Variants in COLEC12 observed in about 807,000 individuals in gnomAD.
The protein encoded by COLEC12 is collectin-12.
COLEC12 carries 33 observed loss-of-function variants against 71.1 expected under a neutral mutation model. The observed-to-expected ratio is 0.46, with a 90% CI of 0.35 to 0.62. The LOEUF is 0.62. Ranked by LOEUF, COLEC12 falls within the 20% of genes least tolerant of loss-of-function variation. COLEC12 has a pLI of 0.00. For synonymous variants in COLEC12, 350 were observed against 353.0 expected (o/e 0.99, Z 0.10); for missense variants, 765 against 916.1 (o/e 0.84, Z 2.13).
chr18:369,401 T>TTTTTTATTTTTA (rs1314793209), intron 2 of COLEC12, among the ~76,000 whole-genome samples: 15 of 132,458 alleles, frequency 1.1e-4, no homozygotes, highest in Admixed American at 4.4e-4. Flanking sequence ...TTTTTTATTT[T>TTTTTTATTTTTA]TTTTTATTTT....
At chr18:415,330 T>C (rs1364001363) in intron 2 of COLEC12, among the ~76,000 whole-genome samples, 1 of 152,202 alleles carries the variant, frequency 6.6e-6, no homozygotes, top group Non-Finnish European at 1.5e-5. Context: ...TATCCTCAGT[T>C]ACTGCTGCCT....
At chr18:363,041 A>G (rs1914781004) in intron 2 of COLEC12, among the ~76,000 whole-genome samples, 1 of 151,342 alleles carries the variant, frequency 6.6e-6, no homozygotes, top group Non-Finnish European at 1.5e-5. Context: ...GCAGGGGGGG[A>G]ATGGGGGCTG....
intron 5 of COLEC12, 88 bp from the exon 6 acceptor site, chr18:335,318 TA>T: frequency 2.2e-6 from 3 of 1,376,320 alleles, no homozygotes; most frequent in South Asian, 2.8e-5. Flanking sequence ...ATCTCCAAAT[TA>T]AAAAAACCTA....
rs985162117 is a variant in COLEC12 at position 475,687 on chromosome 18, G to A, written c.58+5020C>T. On this transcript the variant is annotated intron_variant, in intron 2 of 9. Transcript: ENST00000400256. The stretch of plus-strand genomic sequence containing the variant: ...AAAGAACCTTCCTTTCTGGCTATAC[G>A]GTTAAGCATATCCGTGCTGTGATTT... Among the ~76,000 whole-genome samples, 32 of 152,200 alleles carry A rather than the reference G, an allele frequency of 2.1e-4. 1 individual carries two copies. Among genetic ancestry groups the A allele is most frequent in the Non-Finnish European group, 2.8e-4 (19 of 68,046 alleles).
chr18:400,506 A>C (rs1915661167), intron 2 of COLEC12, among the ~76,000 whole-genome samples: 1 of 152,158 alleles, frequency 6.6e-6, no homozygotes, highest in Admixed American at 6.5e-5. Flanking sequence ...TTTCTTCAGA[A>C]TTACCTTCTG....
At chr18:403,700 A>C (rs1009240929) in intron 2 of COLEC12, among the ~76,000 whole-genome samples, 1 of 152,266 alleles carries the variant, frequency 6.6e-6, no homozygotes, top group Admixed American at 6.5e-5. Flanking sequence ...AGGTAACCTA[A>C]GTGCAGAGTT....
chr18:382,499 T>C (rs920467434), intron 2 of COLEC12, among the ~76,000 whole-genome samples: 1 of 152,192 alleles, frequency 6.6e-6, no homozygotes, highest in Non-Finnish European at 1.5e-5. Context: ...AAAACGACTT[T>C]GAAAGGCTGG....
Position 480,764 on chromosome 18 carries a change from G to A in COLEC12, c.8-7C>T. 6.2e-7 allele frequency: 1 copy of A among 1,613,818 alleles called. No individual in the cohort carries two copies. Among genetic ancestry groups the A allele is most frequent in the South Asian group, 1.1e-5 (1 of 91,072 alleles). On this transcript the variant is annotated splice_polypyrimidine_tract_variant and splice_region_variant and intron_variant, in intron 1 of 9. Transcript: ENST00000400256. This position sits in a 1 kb window ranked among gnomAD's most constrained non-coding sequence, Gnocchi z 4.1. ...TCCTCCTCTGCGAAGTCGTCTGTGAGAGAAGAAGAGACACGATGTTAATCC... is the reference window on the plus strand; with the variant it reads ...TCCTCCTCTGCGAAGTCGTCTGTGAAAGAAGAAGAGACACGATGTTAATCC...
chr18:342,660 T>G (rs1159318643), intron 5 of COLEC12, among the ~76,000 whole-genome samples: 1 of 151,890 alleles, frequency 6.6e-6, no homozygotes. Context: ...AGAAATGGAG[T>G]TCCTTCTTCC....
chr18:402,668 A>G (rs540875493), intron 2 of COLEC12, among the ~76,000 whole-genome samples: 2 of 152,202 alleles, frequency 1.3e-5, no homozygotes, highest in African/African-American at 4.8e-5. Flanking sequence ...AGGTCTTTGC[A>G]GTAGCTGAAT....
intron 2 of COLEC12, among the ~76,000 whole-genome samples, chr18:412,652 A>G (rs1333127454): frequency 6.6e-6 from 1 of 152,186 alleles, no homozygotes; most frequent in African/African-American, 2.4e-5. Flanking sequence ...TAATGTATAT[A>G]GGTAAATTTA....
At position 347,219 on chromosome 18, in the gene COLEC12, T is replaced by A; in HGVS notation, c.403A>T (p.Thr135Ser). 2 of 1,614,196 alleles carry A rather than the reference T, an allele frequency of 1.2e-6. No homozygotes were observed. Among genetic ancestry groups the A allele is most frequent in the Non-Finnish European group, 1.7e-6 (2 of 1,180,042 alleles). ...ITEKTSKNKD[T>S]LEKLQASGDA... ...CCGCTCGCCTGTAACTTCTCCAGCG[T>A]ATCCTTGTTCTTGCTGGTTTTTTCT... is the stretch of plus-strand genomic sequence containing the variant. Residue 135 changes from threonine (T) to serine (S), a missense_variant, in exon 5 of 10, where the codon ACG becomes TCG. Coordinates refer to ENST00000400256, the MANE Select transcript of COLEC12 (RefSeq NM_130386.3).
intron 2 of COLEC12, among the ~76,000 whole-genome samples, chr18:396,590 C>A (rs745795278): frequency 7.2e-5 from 11 of 152,212 alleles, no homozygotes; most frequent in Non-Finnish European, 1.2e-4. Context: ...CTCTATTCTG[C>A]CAAAATTTAC....
At chr18:436,326 CA>C (rs1916402126) in intron 2 of COLEC12, among the ~76,000 whole-genome samples, 1 of 152,140 alleles carries the variant, frequency 6.6e-6, no homozygotes, top group Non-Finnish European at 1.5e-5. Context: ...GCCTGACCAA[CA>C]TGGTGAAACC....
At position 346,664 on chromosome 18, in the gene COLEC12, C is replaced by A; in HGVS notation, c.958G>T (p.Asp320Tyr). 6.2e-7 allele frequency: 1 copy of A among 1,614,230 alleles called. No homozygotes were observed. Among genetic ancestry groups the A allele is most frequent in the Non-Finnish European group, 8.5e-7 (1 of 1,180,042 alleles). The stretch of plus-strand genomic sequence containing the variant: ...TTGATGGCTGTTCTATTCTCTGCAT[C>A]TTTGTGTAAGTCCTGCAGGTCTTTC... ...NLKDLQDLHK[D>Y]AENRTAIKFN... The change falls in exon 5 of 10, where the codon GAT (aspartate) becomes TAT (tyrosine). Residue 320 changes from aspartate to tyrosine, a missense_variant. Transcript: ENST00000400256. This position sits in a 1 kb window ranked among gnomAD's most constrained non-coding sequence, Gnocchi z 4.0.
chr18:436,537 GGGA>G (rs1355860417), intron 2 of COLEC12, among the ~76,000 whole-genome samples: 50 of 113,978 alleles, frequency 4.4e-4, no homozygotes, highest in African/African-American at 9.8e-4. Context: ...GGGGGGGGGG[GGGA>G]AACAGGGGTG....
chr18:347,654 T>A (rs1015591568), intron 4 of COLEC12, among the ~76,000 whole-genome samples: 1 of 151,372 alleles, frequency 6.6e-6, no homozygotes, highest in African/African-American at 2.4e-5. Context: ...ATTTCCCAAA[T>A]TTTTTTTTAA....
chr18:441,206 C>T (rs1004817300), intron 2 of COLEC12, among the ~76,000 whole-genome samples: 29 of 150,344 alleles, frequency 1.9e-4, no homozygotes, highest in African/African-American at 6.6e-4. Context: ...CGAGATTGTG[C>T]CACTGCACTC....
chr18:358,702 T>C (rs370258180), intron 2 of COLEC12, among the ~76,000 whole-genome samples: 14 of 152,304 alleles, frequency 9.2e-5, no homozygotes, highest in African/African-American at 2.6e-4. Context: ...AACTGGTCCA[T>C]GGCCCTGGGG....
Sources: allele counts gnomAD v4.1 joint callset (sites outside exome capture counted in the v4.1 genomes callset), GRCh38; gene constraint gnomAD v4.1.1; non-coding constraint Gnocchi (gnomAD v3.1); transcripts MANE v1.5; gene names NCBI Gene and HGNC (gene_info 2026-07-23, HGNC 2026-07-21).